RETSAT: variants seen among roughly 807,000 people sequenced by gnomAD.
RETSAT encodes all-trans-retinol 13,14-reductase.
A neutral mutation model predicts 61.6 loss-of-function variants in RETSAT; 35 were observed. The observed-to-expected ratio is 0.57, with a 90% CI of 0.43 to 0.75. The LOEUF is 0.75. RETSAT is among the 30% of genes least tolerant of loss of function. RETSAT has a pLI of 0.00. For synonymous variants in RETSAT, 277 were observed against 310.4 expected (o/e 0.89, Z 1.13); for missense variants, 670 against 759.5 (o/e 0.88, Z 1.38).
chr2:85,349,932 C>T, intron 4 of RETSAT, 108 bp downstream of exon 4: 1 of 1,102,240 alleles, frequency 9.1e-7, no homozygotes, highest in Non-Finnish European at 1.3e-6. Context: ...CTGGGGTTTA[C>T]ACTGCTCCAT....
chr2:85,347,665 G>A (rs1683224982), intron 5 of RETSAT, among the ~76,000 whole-genome samples: 1 of 152,246 alleles, frequency 6.6e-6, no homozygotes, highest in Admixed American at 6.5e-5. Context: ...ACTGCGCCCG[G>A]CCTCTTTTAT....
intron 2 of RETSAT, 37 bp downstream of exon 2, chr2:85,351,643 C>T: frequency 1.3e-6 from 2 of 1,589,972 alleles, no homozygotes; most frequent in South Asian, 2.3e-5. Context: ...CTTCAACATA[C>T]AGCCATGCTC....
chr2:85,345,927 G>A, intron 6 of RETSAT, 48 bp downstream of exon 6: 1 of 1,613,486 alleles, frequency 6.2e-7, no homozygotes, highest in South Asian at 1.1e-5. Context: ...TCCAGAAGGG[G>A]ACACATTGGG....
intron 2 of RETSAT, 54 bp downstream of exon 2, chr2:85,351,626 C>T: frequency 6.4e-7 from 1 of 1,555,430 alleles, no homozygotes; most frequent in Non-Finnish European, 8.8e-7. Context: ...AGGGCTGCTC[C>T]AAGCCTCTTC....
At position 85,344,593 on chromosome 2, in the gene RETSAT, C is replaced by T. The variant is rs757469247; in HGVS notation, c.1256+1G>A. The T allele has an allele frequency of 4.3e-5, 69 of 1,613,954 alleles. No homozygotes were observed. Among genetic ancestry groups the T allele is most frequent in the East Asian group, 4.5e-5 (2 of 44,884 alleles). On this transcript the variant is annotated splice_donor_variant, in intron 7 of 10. Transcript: ENST00000295802. LOFTEE classifies it high-confidence loss of function. ...CACATACACACACACGTGCACCTTA[C>T]GCCTGGTCCATGTCCGTGTCATAGT... is the stretch of plus-strand genomic sequence containing the variant.
intron 6 of RETSAT, among the ~76,000 whole-genome samples, chr2:85,344,972 T>G (rs1211430035): frequency 6.6e-6 from 1 of 152,292 alleles, no homozygotes; most frequent in Middle Eastern, 3.4e-3. Context: ...GAGGGACAGA[T>G]GACTGTAGCA....
At position 85,350,821 on chromosome 2, in the gene RETSAT, G is replaced by T; in HGVS notation, c.556C>A (p.Gln186Lys). 1 of 1,614,172 alleles carries T rather than the reference G, an allele frequency of 6.2e-7. No homozygotes were observed. The highest frequency in any genetic ancestry group is 8.5e-7 in the Non-Finnish European group (1 of 1,180,026). The change falls in exon 3 of 11, where the codon CAG becomes AAG. Residue 186 changes from glutamine to lysine, a missense_variant. Coordinates refer to ENST00000295802, the MANE Select transcript of RETSAT (RefSeq NM_017750.4). ...YIQGLKEKFP[Q>K]EEAIIDKYIK... ...TACTTGTCAATGATAGCTTCCTCCT[G>T]TGGAAACTTCTCCTTGAGGCCCTGA...
Position 85,350,835 on chromosome 2 carries a change from T to A in RETSAT, c.542A>T (p.Lys181Met). The change falls in exon 3 of 11, where the codon AAG becomes ATG. Residue 181 changes from lysine (K) to methionine (M), a missense_variant. By Grantham distance (95) the Lys-to-Met change is moderately conservative. Transcript: ENST00000295802. Reference protein sequence around the residue: ...SGEKAYIQGLKEKFPQEEAII... With the variant: ...SGEKAYIQGLMEKFPQEEAII... ...AGCTTCCTCCTGTGGAAACTTCTCCTTGAGGCCCTGAATGTAGGCTTTCTC... is the reference window on the plus strand; with the variant it reads ...AGCTTCCTCCTGTGGAAACTTCTCCATGAGGCCCTGAATGTAGGCTTTCTC... 6.2e-7 allele frequency: 1 copy of A among 1,614,228 alleles called. No individual in the cohort carries two copies. Among genetic ancestry groups the A allele is most frequent in the South Asian group, 1.1e-5 (1 of 91,086 alleles).
chr2:85,349,328 G>A, intron 5 of RETSAT, 56 bp downstream of exon 5: 1 of 1,578,470 alleles, frequency 6.3e-7, no homozygotes, highest in African/African-American at 1.3e-5. Context: ...GAGACCCCAG[G>A]TCTCGCCCAC....
chr2:85,354,520 G>C lies in RETSAT; in HGVS notation c.-13C>G, dbSNP rs1021136844. The C allele has an allele frequency of 9.4e-6, 15 of 1,599,234 alleles. No homozygotes were observed. Among genetic ancestry groups the C allele is most frequent in the Non-Finnish European group, 1.2e-5 (14 of 1,172,578 alleles). ...GCGGAAGCCACATCACGCCGGCGTC[G>C]GGTCGGGTAAATGGGACAGCTCCGA... On this transcript the variant is annotated 5_prime_UTR_variant, in exon 1 of 11. Coordinates refer to ENST00000295802, the MANE Select transcript of RETSAT (RefSeq NM_017750.4).
intron 4 of RETSAT, 44 bp from the exon 5 acceptor site, chr2:85,349,625 C>A (rs1683265929): frequency 6.6e-7 from 1 of 1,509,270 alleles, no homozygotes; most frequent in East Asian, 2.3e-5. Context: ...GAGAAGGCAC[C>A]AGCACCATTC....
rs116432107 is a variant in RETSAT at position 85,346,065 on chromosome 2, C to T, written c.1027G>A (p.Val343Met). 1.1e-3 allele frequency: 1,798 copies of T among 1,613,500 alleles called. 21 individuals carry two copies. The African/African-American group carries it at 0.022, about 19-fold the overall frequency. ...ACCACGATGGGGCAATAGATGTTCA[C>T]CAGCTCATGCCCCTTCTTCACACTG... is the stretch of plus-strand genomic sequence containing the variant. ...GVSVKKGHELVNIYCPIVVSN... is the reference protein window; with the variant it reads ...GVSVKKGHELMNIYCPIVVSN... Residue 343 changes from valine (V) to methionine (M), a missense_variant, in exon 6 of 11, where the codon GTG (valine) becomes ATG (methionine). Val to Met is a conservative substitution (Grantham distance 21). Transcript: ENST00000295802.
Position 85,345,130 on chromosome 2 carries a change from A to G in RETSAT, c.1118-398T>C, listed in dbSNP as rs557448451. 1.5e-3 allele frequency among the ~76,000 whole-genome samples: 230 copies of G among 152,240 alleles called. 1 individual carries two copies. The highest frequency in any genetic ancestry group is 5.1e-3 in the African/African-American group (210 of 41,550). ...GACCTCCCTGCTCTGCCCCTGGGCCATCTCTGCCTCACCCCTTCAGCTCCT... is the reference window on the plus strand; with the variant it reads ...GACCTCCCTGCTCTGCCCCTGGGCCGTCTCTGCCTCACCCCTTCAGCTCCT... On this transcript the variant is annotated intron_variant, in intron 6 of 10. Coordinates refer to ENST00000295802, the MANE Select transcript of RETSAT (RefSeq NM_017750.4).
intron 8 of RETSAT, 25 bp downstream of exon 8, chr2:85,344,214 C>T: frequency 6.2e-7 from 1 of 1,614,124 alleles, no homozygotes. Context: ...CCCTCCACCC[C>T]CTCACCCGGG....
At chr2:85,354,061 G>T (rs1573068247) in intron 1 of RETSAT, among the ~76,000 whole-genome samples, 1 of 152,202 alleles carries the variant, frequency 6.6e-6, no homozygotes, top group Non-Finnish European at 1.5e-5. Context: ...GAGCCACGGG[G>T]ATTACAAGTG....
At position 85,351,985 on chromosome 2, in the gene RETSAT, C is replaced by T. The variant is rs1558684286; in HGVS notation, c.173-123G>A. On this transcript the variant is annotated intron_variant, in intron 1 of 10. Transcript: ENST00000295802. ...AAGAAACCTCTAGAGTGGTTTGGCACAGAACTCTTGACTAACATGTTTCAA... is the reference window on the plus strand; with the variant it reads ...AAGAAACCTCTAGAGTGGTTTGGCATAGAACTCTTGACTAACATGTTTCAA... 3.5e-6 allele frequency: 3 copies of T among 847,434 alleles called. No individual in the cohort carries two copies. In the East Asian group the frequency reaches 7.9e-5, roughly 22 times the overall value. 52.5% of individuals were successfully genotyped at this position (847,434 alleles called of 1,614,324 possible).
At chr2:85,344,442 C>CCT (rs1327312897) in intron 7 of RETSAT, 94 bp from the exon 8 acceptor site, 15 of 1,524,268 alleles carry the variant, frequency 9.8e-6, no homozygotes, top group Non-Finnish European at 1.4e-5. Context: ...GGACTCCCCA[C>CCT]AGGGGTGAAG....
At chr2:85,351,490 G>C (rs1364257353) in intron 2 of RETSAT, 190 bp downstream of exon 2, 12 of 581,424 alleles carry the variant, frequency 2.1e-5, no homozygotes, top group African/African-American at 1.5e-4. Flanking sequence ...AGTAAGCTGG[G>C]ATCACACCAC....
chr2:85,343,715 A>G lies in RETSAT; in HGVS notation c.1617T>C (p.His539=), dbSNP rs772958095. Residue 539 remains histidine (H), a synonymous_variant, in exon 10 of 11, where the codon CAT becomes CAC. Coordinates refer to ENST00000295802, the MANE Select transcript of RETSAT (RefSeq NM_017750.4). ...APRGACYGAD[H]DLGRLHPCVM... ...CACAAGGGTGCAGGCGGCCCAGGTCATGGTCAGCCCCGTAGCAGGCACCTC... is the reference window on the plus strand; with the variant it reads ...CACAAGGGTGCAGGCGGCCCAGGTCGTGGTCAGCCCCGTAGCAGGCACCTC... The G allele has an allele frequency of 6.2e-7, 1 of 1,614,116 alleles. No individual in the cohort carries two copies. The highest frequency in any genetic ancestry group is 1.1e-5 in the South Asian group (1 of 91,086).
Sources: allele counts gnomAD v4.1 joint callset (sites outside exome capture counted in the v4.1 genomes callset), GRCh38; gene constraint gnomAD v4.1.1; transcripts MANE v1.5; gene names NCBI Gene and HGNC (gene_info 2026-07-23, HGNC 2026-07-21).